The following PCDHA3 variants were observed in gnomAD, a reference collection of about 807,000 sequenced individuals.
PCDHA3 encodes protocadherin alpha-3.
In PCDHA3, 41 loss-of-function variants were observed where a neutral mutation model predicts 62.2. That is an observed-to-expected ratio of 0.66 (90% CI 0.51 to 0.86). The LOEUF (loss-of-function observed/expected upper bound fraction) is 0.86, where lower values mean the gene tolerates loss of function less well. PCDHA3 is among the 40% of genes least tolerant of loss of function. PCDHA3 has a pLI of 0.00. For missense variants in PCDHA3, 1,304 were observed against 1,241.2 expected, an observed-to-expected ratio of 1.05 and a Z score of -0.76; for synonymous variants, 640 against 555.4, an observed-to-expected ratio of 1.15 and a Z score of -2.14.
At chr5:140,966,568 G>A (rs2096022635) in intron 1 of PCDHA3, 1 of 499,094 alleles carries the variant, frequency 2.0e-6, no homozygotes, top group African/African-American at 2.0e-5. Flanking sequence ...CTGGAATATG[G>A]GGAGTCAGCG....
Position 140,822,110 on chromosome 5 carries a change from C to G in PCDHA3, c.2394+18519C>G. On this transcript the variant is annotated intron_variant, in intron 1 of 3. Coordinates refer to ENST00000522353, the MANE Select transcript of PCDHA3 (RefSeq NM_018906.3). Reference sequence around the variant, plus strand: ...CACCTGGAGGTGATCGTGGACAGGCCGCTGCAGGTTTTCCATGTGGAGGTG... The same window carrying G: ...CACCTGGAGGTGATCGTGGACAGGCGGCTGCAGGTTTTCCATGTGGAGGTG... The G allele has an allele frequency of 6.2e-7, 1 of 1,614,208 alleles. No individual in the cohort carries two copies. The highest frequency in any genetic ancestry group is 8.5e-7 in the Non-Finnish European group (1 of 1,180,052).
In PCDHA3 at chr5:140,970,874, G is replaced by A. The variant is rs191123160; in HGVS notation, c.2395-8075G>A. On this transcript the variant is annotated intron_variant, in intron 1 of 3. Coordinates refer to ENST00000522353, the MANE Select transcript of PCDHA3 (RefSeq NM_018906.3). ...AAAGTTCCATTCCTGATTGAGAGTA[G>A]ATTTTTCTCATGGACATTTCAGATA... Among the ~76,000 whole-genome samples the A allele has an allele frequency of 1.6e-4, 24 of 152,250 alleles. No individual in the cohort carries two copies. The East Asian group carries it at 2.7e-3, about 17-fold the overall frequency.
intron 1 of PCDHA3, chr5:140,850,687 A>T: frequency 6.3e-7 from 1 of 1,597,792 alleles, no homozygotes. Context: ...ACCGAGGGCG[A>T]GTGCGCGCCT....
At chr5:140,863,295 C>G in intron 1 of PCDHA3, 1 of 1,463,648 alleles carries the variant, frequency 6.8e-7, no homozygotes, top group South Asian at 1.1e-5. Context: ...TGTACCTGAT[C>G]ATCGCCATCT....
In PCDHA3 at chr5:140,967,305, A is replaced by G. The variant is rs782005994; in HGVS notation, c.2395-11644A>G. On this transcript the variant is annotated intron_variant, in intron 1 of 3. Transcript: ENST00000522353. ...GCGCAGGACCCCGACGTGGGCGCCA[A>G]CTCAGTACAGACCTACGAGCTCAGC... The G allele has an allele frequency of 5.7e-5, 92 of 1,612,346 alleles. 1 individual carries two copies. The South Asian group carries it at 9.7e-4, about 17-fold the overall frequency.
chr5:140,862,449 G>A (rs904755604), intron 1 of PCDHA3: 31 of 364,384 alleles, frequency 8.5e-5, no homozygotes, highest in African/African-American at 6.4e-4. Context: ...ACTCCACAGC[G>A]CCCTGGACCA....
chr5:140,938,843 C>G (rs1232774282), intron 1 of PCDHA3, among the ~76,000 whole-genome samples: 1 of 152,130 alleles, frequency 6.6e-6, no homozygotes, highest in East Asian at 1.9e-4. Context: ...AACAAACCTG[C>G]CCATGTACCC....
intron 1 of PCDHA3, chr5:140,870,482 C>A (rs1298357431): frequency 6.2e-7 from 1 of 1,614,126 alleles, no homozygotes; most frequent in Non-Finnish European, 8.5e-7. Flanking sequence ...CCCGAGTACA[C>A]CGTGTTCGTG....
At chr5:140,938,187 C>T (rs1584944424) in intron 1 of PCDHA3, among the ~76,000 whole-genome samples, 1 of 152,158 alleles carries the variant, frequency 6.6e-6, no homozygotes, top group Admixed American at 6.5e-5. Context: ...CTCAAGCAAT[C>T]CTCCCACGCC....
At chr5:141,005,725 A>AAAAAAG (rs2098234610) in intron 3 of PCDHA3, among the ~76,000 whole-genome samples, 2 of 150,088 alleles carry the variant, frequency 1.3e-5, no homozygotes, top group Admixed American at 6.6e-5. Flanking sequence ...AAAAAAAAAA[A>AAAAAAG]AAAAAAGAAT....
intron 2 of PCDHA3, 58 bp from the exon 3 acceptor site, chr5:140,982,417 G>T: frequency 1.2e-6 from 2 of 1,610,546 alleles, no homozygotes; most frequent in Non-Finnish European, 1.7e-6. Flanking sequence ...GAGGGTGGAA[G>T]AAGAGATGGG....
At chr5:140,876,509 A>G (rs782112140) in intron 1 of PCDHA3, 2 of 1,614,020 alleles carry the variant, frequency 1.2e-6, no homozygotes, top group South Asian at 2.2e-5. Flanking sequence ...GTGAATGACA[A>G]TGTCCCTGAA....
chr5:140,812,066 G>A (rs1441798556), intron 1 of PCDHA3: 1 of 147,612 alleles, frequency 6.8e-6, no homozygotes, highest in African/African-American at 2.5e-5. Flanking sequence ...TTTTTTTTTG[G>A]AAGAGTTTGA....
chr5:140,882,283 G>A (rs1554173377), intron 1 of PCDHA3: 2 of 1,612,834 alleles, frequency 1.2e-6, no homozygotes, highest in South Asian at 1.1e-5. Flanking sequence ...TGTCTTCCTG[G>A]CAAGGAGGCC....
At position 140,941,206 on chromosome 5, in the gene PCDHA3, TCTTTCTTC is replaced by T. The variant is rs1268159199; in HGVS notation, c.2395-37735_2395-37728del. Among the ~76,000 whole-genome samples the T allele has an allele frequency of 1.2e-3, 117 of 95,670 alleles. 1 individual carries two copies. The highest frequency in any genetic ancestry group is 8.3e-3 in the South Asian group (27 of 3,240). The allele number at this position is 95,670 out of a possible 152,430, so 62.8% of individuals were successfully genotyped here. A position where few individuals can be genotyped will look rare whatever the true frequency, so the allele number is the denominator to read the frequency against. On this transcript the variant is annotated intron_variant, in intron 1 of 3. Coordinates refer to ENST00000522353, the MANE Select transcript of PCDHA3 (RefSeq NM_018906.3). ...GCTTCTTTTTTTTTCTTTCTTCCTTTCTTTCTTCCTTTCTTTCTTTCTTTCTTTCTTTC... is the reference window on the plus strand; with the variant it reads ...GCTTCTTTTTTTTTCTTTCTTCCTTTCTTTCTTTCTTTCTTTCTTTCTTTC...
At chr5:140,809,344 CGCGCTGCGGTGCTCT>C (rs1562224731) in intron 1 of PCDHA3, 3 of 1,614,082 alleles carry the variant, frequency 1.9e-6, no homozygotes, top group Admixed American at 1.7e-5. Flanking sequence ...TGCTGTACAC[CGCGCTGCGGTGCTCT>C]GCGCTGCCCA....
intron 1 of PCDHA3, chr5:140,875,431 T>C (rs1554167634): frequency 1.3e-6 from 2 of 1,558,558 alleles, no homozygotes. Context: ...AAGCGATCCC[T>C]TAAAACTGAT....
intron 1 of PCDHA3, chr5:140,861,554 C>A (rs1023234694): frequency 1.8e-5 from 7 of 398,878 alleles, no homozygotes; most frequent in Non-Finnish European, 2.6e-5. Flanking sequence ...TGGAAGTGAT[C>A]GTGGACAAGC....
Position 140,802,302 on chromosome 5 carries a change from A to G in PCDHA3, c.1105A>G (p.Ile369Val), listed in dbSNP as rs782478059. The change falls in exon 1 of 4, where the codon ATC becomes GTC. Residue 369 changes from isoleucine to valine, a missense_variant. By Grantham distance (29) the Ile-to-Val change is conservative (BLOSUM62 3). Coordinates refer to ENST00000522353, the MANE Select transcript of PCDHA3 (RefSeq NM_018906.3). ...VLEDSPLSTV[I>V]ALISVSDRDS... is the part of the protein sequence containing the mutation. ...AGAAGACTCTCCACTTAGCACAGTCATCGCTCTGATCAGCGTGTCCGACCG... is the reference window on the plus strand; with the variant it reads ...AGAAGACTCTCCACTTAGCACAGTCGTCGCTCTGATCAGCGTGTCCGACCG... 1.2e-6 allele frequency: 2 copies of G among 1,614,136 alleles called. No homozygotes were observed. Among genetic ancestry groups the G allele is most frequent in the African/African-American group, 2.7e-5 (2 of 74,950 alleles).
Sources: gnomAD v4.1 joint callset for allele counts (sites outside exome capture counted in the v4.1 genomes callset) on GRCh38, gnomAD v4.1.1 for gene constraint, MANE v1.5 for transcripts, NCBI Gene and HGNC (gene_info 2026-07-23, HGNC 2026-07-21) for gene names.